HMCN1: variants seen among roughly 807,000 people sequenced by gnomAD.
The protein encoded by HMCN1 is hemicentin-1.
Under a neutral mutation model 625.9 loss-of-function variants are expected in HMCN1, and 321 were observed. The ratio of observed to expected loss-of-function variants is 0.51; its 90% CI spans 0.47 to 0.56. The LOEUF (loss-of-function observed/expected upper bound fraction) is 0.56. Among genes scored for constraint, HMCN1 ranks in the 20% least tolerant of loss-of-function variants. The probability of loss-of-function intolerance (pLI) is 0.00; values close to 1 mark genes in which losing one functional copy is unlikely to be tolerated. For missense variants in HMCN1, 6,588 were observed against 6,887.3 expected (o/e 0.96, Z 1.54); for synonymous variants, 2,425 against 2,417.6 (o/e 1.00, Z -0.09).
chr1:185,869,978 A>G (rs1364606984), intron 4 of HMCN1, among the ~76,000 whole-genome samples: 1 of 151,468 alleles, frequency 6.6e-6, no homozygotes, highest in Non-Finnish European at 1.5e-5. Flanking sequence ...TATATTTTAT[A>G]TAAACTCACT....
At chr1:186,092,962 C>A (rs568940402) in intron 64 of HMCN1, among the ~76,000 whole-genome samples, 172 bp from the exon 65 acceptor site, 2 of 152,146 alleles carry the variant, frequency 1.3e-5, no homozygotes, top group South Asian at 4.1e-4. Context: ...ATTTTGTTCA[C>A]TTCCTTTTTT....
intron 1 of HMCN1, among the ~76,000 whole-genome samples, chr1:185,808,074 C>T (rs1252859506): frequency 6.6e-6 from 1 of 151,896 alleles, no homozygotes; most frequent in Non-Finnish European, 1.5e-5. Flanking sequence ...GTAAAACAAA[C>T]AAACAAAAAA....
intron 47 of HMCN1, 57 bp downstream of exon 47, chr1:186,062,021 G>A (rs1280346555): frequency 2.6e-5 from 28 of 1,095,984 alleles, no homozygotes; most frequent in Non-Finnish European, 3.6e-5. Context: ...AATCCTGGAA[G>A]CAGAGTTAAA....
chr1:186,053,851 G>A lies in HMCN1; in HGVS notation c.6727G>A (p.Gly2243Arg), dbSNP rs2102281445. 1.2e-6 allele frequency: 2 copies of A among 1,612,588 alleles called. No homozygotes were observed. The highest frequency in any genetic ancestry group is 8.5e-7 in the Non-Finnish European group (1 of 1,179,120). Reference protein sequence around the residue: ...KGSPVLTDSMGRVRILSGGRQ... With the variant: ...KGSPVLTDSMRRVRILSGGRQ... ...CTCTCCAGTGCTGACTGATTCCATG[G>A]GGCGAGTTAGAATTTTATCTGGGGG... The change falls in exon 44 of 107, where the codon GGG (glycine) becomes AGG (arginine). Residue 2243 changes from glycine (G) to arginine (R), a missense_variant. Coordinates refer to ENST00000271588, the MANE Select transcript of HMCN1 (RefSeq NM_031935.3).
At chr1:185,865,717 T>G in intron 3 of HMCN1, 24 bp from the exon 4 acceptor site, 1 of 884,680 alleles carries the variant, frequency 1.1e-6, no homozygotes. Flanking sequence ...TTTACACTGT[T>G]TCTTTTTTTT....
At chr1:185,902,449 A>ATCTG (rs1312165922) in intron 4 of HMCN1, among the ~76,000 whole-genome samples, 1 of 147,804 alleles carries the variant, frequency 6.8e-6, no homozygotes, top group Non-Finnish European at 1.5e-5. Context: ...CTATCTATCT[A>ATCTG]TCTAATTTTG....
chr1:185,846,060 G>T lies in HMCN1; in HGVS notation c.303G>T (p.Lys101Asn), dbSNP rs1197868755. 1 of 1,612,660 alleles carries T rather than the reference G, an allele frequency of 6.2e-7. No homozygotes were observed. Among genetic ancestry groups the T allele is most frequent in the East Asian group, 2.2e-5 (1 of 44,842 alleles). ...IGPVTITTDP[K>N]KFQYELRELY... ...CAGTGACAATTACCACAGATCCCAA[G>T]AAATTTCAATATGAACTCAGAGAAC... Residue 101 changes from lysine (K) to asparagine (N), a missense_variant, in exon 2 of 107, where the codon AAG becomes AAT. Around this residue, in one of 3 missense-constraint regions of HMCN1, gnomAD observed 4,628 missense variants for 4,853.1 expected, o/e 0.95. Coordinates refer to ENST00000271588, the MANE Select transcript of HMCN1 (RefSeq NM_031935.3).
chr1:186,070,668 G>A lies in HMCN1; in HGVS notation c.8050G>A (p.Val2684Met). The A allele has an allele frequency of 1.9e-6, 3 of 1,613,554 alleles. No homozygotes were observed. The highest frequency in any genetic ancestry group is 2.5e-6 in the Non-Finnish European group (3 of 1,179,514). The change falls in exon 52 of 107, where the codon GTG becomes ATG. Residue 2684 changes from valine (V) to methionine (M), a missense_variant. Around this residue, in one of 3 missense-constraint regions of HMCN1, gnomAD observed 4,628 missense variants for 4,853.1 expected, o/e 0.95. Transcript: ENST00000271588. Reference sequence around the variant, plus strand: ...GGGGCCAGGTCTTTCCCCTAAAGAAGTGAAGATCAAAGTAAACAACACTCT... The same window carrying A: ...GGGGCCAGGTCTTTCCCCTAAAGAAATGAAGATCAAAGTAAACAACACTCT... ...LWGPGLSPKE[V>M]KIKVNNTLTL...
chr1:185,901,743 G>A (rs1243606340), intron 4 of HMCN1, among the ~76,000 whole-genome samples: 1 of 151,674 alleles, frequency 6.6e-6, no homozygotes. Flanking sequence ...CAATACATGT[G>A]TATCTGTACC....
chr1:185,985,404 TTA>T (rs1651940732), intron 19 of HMCN1, among the ~76,000 whole-genome samples: 1 of 152,158 alleles, frequency 6.6e-6, no homozygotes, highest in South Asian at 2.1e-4. Flanking sequence ...TGCCCTCATG[TTA>T]TCTCTCTTTG....
At chr1:185,746,680 C>T (rs1217875447) in intron 1 of HMCN1, among the ~76,000 whole-genome samples, 1 of 150,584 alleles carries the variant, frequency 6.6e-6, no homozygotes, top group African/African-American at 2.5e-5. Flanking sequence ...TCTCAGCTCA[C>T]CGCAACTTCT....
chr1:186,152,971 A>G, intron 96 of HMCN1, 100 bp downstream of exon 96: 1 of 1,454,842 alleles, frequency 6.9e-7, no homozygotes, highest in East Asian at 2.3e-5. Context: ...CTGTGGGGGA[A>G]AATGTCCAAA....
chr1:185,950,596 C>G (rs1303371808), intron 11 of HMCN1, among the ~76,000 whole-genome samples: 1 of 151,364 alleles, frequency 6.6e-6, no homozygotes, highest in East Asian at 1.9e-4. Flanking sequence ...AGAATTATGC[C>G]GAGATAGGTA....
rs563619648 is a variant in HMCN1, at chr1:185,775,164, G to A, written c.268+40117G>A. Among the ~76,000 whole-genome samples, 14 of 152,252 alleles carry A rather than the reference G, an allele frequency of 9.2e-5. No individual in the cohort carries two copies. In the South Asian group the frequency reaches 2.9e-3, roughly 32 times the overall value. Reference sequence around the variant, plus strand: ...TATCACCTGGATATTTTTGTTCTTAGCTGAATGTCCTCTTTTTTGAGCAGT... The same window carrying A: ...TATCACCTGGATATTTTTGTTCTTAACTGAATGTCCTCTTTTTTGAGCAGT... On this transcript the variant is annotated intron_variant, in intron 1 of 106. Coordinates refer to ENST00000271588, the MANE Select transcript of HMCN1 (RefSeq NM_031935.3).
chr1:186,074,090 A>G (rs532412682), intron 52 of HMCN1, among the ~76,000 whole-genome samples: 2 of 152,150 alleles, frequency 1.3e-5, no homozygotes, highest in Admixed American at 6.5e-5. Flanking sequence ...AAAATTTTCA[A>G]TGAATGAGGG....
chr1:186,168,915 C>T (rs1652056433), intron 100 of HMCN1, among the ~76,000 whole-genome samples: 2 of 151,978 alleles, frequency 1.3e-5, no homozygotes, highest in South Asian at 2.1e-4. Context: ...CCTCCCCTAA[C>T]CCCCGCCCAA....
At chr1:186,138,034 A>T in intron 89 of HMCN1, 62 bp downstream of exon 89, 1 of 1,566,570 alleles carries the variant, frequency 6.4e-7, no homozygotes, top group Non-Finnish European at 8.8e-7. Flanking sequence ...CCTATGAAAG[A>T]ATTACATTTG....
chr1:186,136,216 G>T (rs1226490217), intron 86 of HMCN1, among the ~76,000 whole-genome samples: 2 of 152,116 alleles, frequency 1.3e-5, no homozygotes, highest in Admixed American at 1.3e-4. Context: ...CCTCAAAAAT[G>T]ATCAAAAGAA....
intron 1 of HMCN1, among the ~76,000 whole-genome samples, chr1:185,772,322 T>G (rs1656300328): frequency 6.6e-6 from 1 of 152,098 alleles, no homozygotes; most frequent in South Asian, 2.1e-4. Flanking sequence ...GAGGAAAGCC[T>G]AGGAAGCAGC....
Sources: gnomAD v4.1 joint callset for allele counts (sites outside exome capture counted in the v4.1 genomes callset) on GRCh38, gnomAD v4.1.1 for gene constraint, gnomAD v4.1.1 regional missense constraint, MANE v1.5 for transcripts, NCBI Gene and HGNC (gene_info 2026-07-23, HGNC 2026-07-21) for gene names.